Variants in CDH13 observed in about 807,000 individuals in gnomAD.
The protein encoded by CDH13 is cadherin-13.
In CDH13, 24 loss-of-function variants were observed where a neutral mutation model predicts 63.8. That is an observed-to-expected ratio of 0.38 (90% CI 0.27 to 0.53). The LOEUF (loss-of-function observed/expected upper bound fraction) is 0.53. Ranked by LOEUF, CDH13 falls within the 20% of genes least tolerant of loss-of-function variation. The probability of loss-of-function intolerance (pLI) is 0.85; values close to 1 mark genes in which losing one functional copy is unlikely to be tolerated. For missense variants in CDH13, 1,049 were observed against 903.1 expected, an observed-to-expected ratio of 1.16 and a Z score of -2.07; for synonymous variants, 503 against 355.3, an observed-to-expected ratio of 1.42 and a Z score of -4.67.
At chr16:83,663,555 G>T (rs2150841645) in intron 8 of CDH13, among the ~76,000 whole-genome samples, 3 of 152,230 alleles carry the variant, frequency 2.0e-5, no homozygotes, top group Admixed American at 2.0e-4. Context: ...AACCCGAAAA[G>T]TTAGTGTCTA....
chr16:83,011,376 C>A (rs11150532), intron 2 of CDH13, among the ~76,000 whole-genome samples: 86,347 of 151,986 alleles, frequency 0.57, 24,723 homozygotes, highest in South Asian at 0.68. Context: ...ATAAACCAGA[C>A]CTCATGAGCA....
chr16:83,503,558 C>A (rs775386502), intron 7 of CDH13, among the ~76,000 whole-genome samples: 1 of 152,064 alleles, frequency 6.6e-6, no homozygotes, highest in African/African-American at 2.4e-5. Flanking sequence ...CATTCCTTTT[C>A]CTGGGGTGGA....
intron 6 of CDH13, among the ~76,000 whole-genome samples, chr16:83,349,434 G>T (rs1191601010): frequency 1.3e-5 from 2 of 152,098 alleles, no homozygotes; most frequent in South Asian, 2.1e-4. Flanking sequence ...TTTGAGAATG[G>T]CTGACCATGA....
intron 8 of CDH13, among the ~76,000 whole-genome samples, chr16:83,635,834 T>C (rs1911214531): frequency 1.3e-5 from 2 of 152,202 alleles, no homozygotes; most frequent in African/African-American, 4.8e-5. Flanking sequence ...TACTTTTTTC[T>C]TCTATAGATT....
At chr16:83,650,118 C>G (rs751446508) in intron 8 of CDH13, among the ~76,000 whole-genome samples, 5 of 152,264 alleles carry the variant, frequency 3.3e-5, no homozygotes, top group Non-Finnish European at 5.9e-5. Flanking sequence ...GAACTTGACC[C>G]TGGCTGTAAG....
chr16:83,458,417 T>C (rs2073082147), intron 6 of CDH13, among the ~76,000 whole-genome samples: 2 of 152,222 alleles, frequency 1.3e-5, no homozygotes, highest in Non-Finnish European at 2.9e-5. Context: ...CATTAACAAC[T>C]GTGTGTAGTC....
chr16:82,802,979 C>G (rs925607686), intron 1 of CDH13, among the ~76,000 whole-genome samples: 2 of 152,148 alleles, frequency 1.3e-5, no homozygotes, highest in South Asian at 2.1e-4. Context: ...TACTTGAATC[C>G]CTGGAATGGA....
At chr16:83,341,915 A>G (rs1034830392) in intron 5 of CDH13, among the ~76,000 whole-genome samples, 1 of 151,278 alleles carries the variant, frequency 6.6e-6, no homozygotes, top group African/African-American at 2.4e-5. Flanking sequence ...CTTTCTTGTC[A>G]TTCAAGCCTC....
In CDH13 at chr16:82,946,092, T is replaced by A. The variant is rs555322266; in HGVS notation, c.158-85918T>A. ...AACTGAGCTTCTTGAGGGGACAGTA[T>A]AAGTCTTTCTGATCTTTTGCCCTCC... On this transcript the variant is annotated intron_variant, in intron 2 of 13. Transcript: ENST00000567109. Among the ~76,000 whole-genome samples, 4 of 152,178 alleles carry A rather than the reference T, an allele frequency of 2.6e-5. No individual in the cohort carries two copies. In the South Asian group the frequency reaches 8.3e-4, roughly 32 times the overall value.
chr16:83,014,840 T>A (rs76657875), intron 2 of CDH13, among the ~76,000 whole-genome samples: 2,634 of 22,394 alleles, frequency 0.12, 92 homozygotes, highest in South Asian at 0.17. Flanking sequence ...GTATATATAT[T>A]TGTATATATA....
At chr16:82,944,668 C>G (rs573365994) in intron 2 of CDH13, among the ~76,000 whole-genome samples, 6 of 152,078 alleles carry the variant, frequency 3.9e-5, no homozygotes, top group Non-Finnish European at 8.8e-5. Context: ...TTCAGCAGTA[C>G]CACTGTTGAG....
intron 1 of CDH13, among the ~76,000 whole-genome samples, chr16:82,730,750 C>T (rs1354749289): frequency 6.6e-6 from 1 of 152,130 alleles, no homozygotes; most frequent in Non-Finnish European, 1.5e-5. Flanking sequence ...AAGTGAAGCA[C>T]AATCAAACAA....
chr16:83,032,469 C>T (rs773242301), intron 3 of CDH13, among the ~76,000 whole-genome samples: 39 of 152,202 alleles, frequency 2.6e-4, no homozygotes, highest in Middle Eastern at 3.4e-3. Context: ...TGCCTTCAGG[C>T]GTGGCTGAAG....
chr16:83,453,678 T>C (rs1480571616), intron 6 of CDH13, among the ~76,000 whole-genome samples: 1 of 152,188 alleles, frequency 6.6e-6, no homozygotes, highest in African/African-American at 2.4e-5. Context: ...AAGGGCATTG[T>C]GAATTGGCTG....
At chr16:83,089,474 C>T (rs2151579520) in intron 3 of CDH13, among the ~76,000 whole-genome samples, 1 of 152,342 alleles carries the variant, frequency 6.6e-6, no homozygotes, top group East Asian at 1.9e-4. Flanking sequence ...ACCTGCCTTG[C>T]AGGCGTCAGG....
intron 6 of CDH13, among the ~76,000 whole-genome samples, chr16:83,466,367 T>C (rs1033290208): frequency 1.3e-5 from 2 of 152,062 alleles, no homozygotes; most frequent in Admixed American, 1.3e-4. Context: ...CTAGCGGCAA[T>C]AAGCTGGACA....
intron 8 of CDH13, among the ~76,000 whole-genome samples, chr16:83,652,762 C>T (rs1158882281): frequency 2.6e-5 from 4 of 152,164 alleles, no homozygotes; most frequent in African/African-American, 4.8e-5. Flanking sequence ...CGCCTGCAGC[C>T]TGGAGTCCCC....
At chr16:83,608,660 ATTT>A (rs754678790) in intron 8 of CDH13, among the ~76,000 whole-genome samples, 40 of 109,876 alleles carry the variant, frequency 3.6e-4, no homozygotes, top group African/African-American at 1.2e-3. Context: ...TAATTTTTGT[ATTT>A]TTTTTTTTTT....
intron 2 of CDH13, among the ~76,000 whole-genome samples, chr16:82,992,260 C>T (rs1051856261): frequency 2.0e-5 from 3 of 152,108 alleles, no homozygotes; most frequent in African/African-American, 7.2e-5. Context: ...AAATGAAGAG[C>T]TTGGCCTGAA....
Sources: allele counts gnomAD v4.1 joint callset (sites outside exome capture counted in the v4.1 genomes callset), GRCh38; gene constraint gnomAD v4.1.1; transcripts MANE v1.5; gene names NCBI Gene and HGNC (gene_info 2026-07-23, HGNC 2026-07-21).